ZRANB1: variants seen among roughly 807,000 people sequenced by gnomAD.
ZRANB1 encodes the protein ubiquitin thioesterase ZRANB1.
In ZRANB1, 16 loss-of-function variants were observed where a neutral mutation model predicts 80.5. That is an observed-to-expected ratio of 0.20 (90% CI 0.13 to 0.30). The LOEUF is 0.30. Ranked by LOEUF, ZRANB1 falls within the 10% of genes least tolerant of loss-of-function variation. The pLI is 1.00. For missense variants in ZRANB1, 576 were observed against 862.6 expected, an observed-to-expected ratio of 0.67 and a Z score of 4.16; for synonymous variants, 291 against 293.1, an observed-to-expected ratio of 0.99 and a Z score of 0.07.
At chr10:124,955,005 C>T (rs531388781) in intron 1 of ZRANB1, among the ~76,000 whole-genome samples, 204 of 150,592 alleles carry the variant, frequency 1.4e-3, no homozygotes, top group African/African-American at 4.6e-3. Flanking sequence ...GGCAGGCGCC[C>T]GTAGTCCCAG....
At chr10:124,981,449 C>A in intron 5 of ZRANB1, 2 of 236,102 alleles carry the variant, frequency 8.5e-6, no homozygotes, top group East Asian at 1.0e-4. Context: ...CCAGTCTCAT[C>A]ATTAGCGTTT....
chr10:124,980,113 T>TG (rs1321864368), intron 5 of ZRANB1, among the ~76,000 whole-genome samples: 1 of 152,222 alleles, frequency 6.6e-6, no homozygotes, highest in African/African-American at 2.4e-5. Context: ...TAGATTTAAT[T>TG]GGGGTGATGG....
At chr10:124,937,042 C>T in the ZRANB1 span, among the ~76,000 whole-genome samples, 24 of 152,220 alleles carry the variant, frequency 1.6e-4, no homozygotes, top group African/African-American at 5.3e-4. Context: ...ACAACCTACA[C>T]CTCCCAGGTT....
At position 124,985,467 on chromosome 10, in the gene ZRANB1, G is replaced by A. The variant is rs1409485561; in HGVS notation, c.*475G>A. 1 of 153,246 alleles carries A rather than the reference G, an allele frequency of 6.5e-6. No homozygotes were observed. Among genetic ancestry groups the A allele is most frequent in the Non-Finnish European group, 1.5e-5 (1 of 68,540 alleles). The allele number at this position is 153,246 out of a possible 1,614,324, so 9.5% of individuals were successfully genotyped here. Reference sequence around the variant, plus strand: ...AAGATCCATCTAAGTCTCAGATCTGGAAACGTTTTGTACCGATTATCCACA... The same window carrying A: ...AAGATCCATCTAAGTCTCAGATCTGAAAACGTTTTGTACCGATTATCCACA... On this transcript the variant is annotated 3_prime_UTR_variant, in exon 9 of 9. Coordinates refer to ENST00000359653, the MANE Select transcript of ZRANB1 (RefSeq NM_017580.3).
chr10:124,956,895 T>C (rs1489080885), intron 1 of ZRANB1, among the ~76,000 whole-genome samples: 1 of 152,252 alleles, frequency 6.6e-6, no homozygotes, highest in Non-Finnish European at 1.5e-5. Flanking sequence ...TGTCTCTGTA[T>C]GTCTTTCTCG....
intron 1 of ZRANB1, among the ~76,000 whole-genome samples, chr10:124,949,861 T>C (rs1269088397): frequency 6.6e-6 from 1 of 152,162 alleles, no homozygotes; most frequent in Non-Finnish European, 1.5e-5. Flanking sequence ...GCTTTCACTA[T>C]AGGGAATATG....
At chr10:124,931,586 G>T in the ZRANB1 span, among the ~76,000 whole-genome samples, 18 of 152,068 alleles carry the variant, frequency 1.2e-4, no homozygotes, top group Non-Finnish European at 2.4e-4. Context: ...GACCAGGCTG[G>T]TCTTGAGCTC....
the ZRANB1 span, among the ~76,000 whole-genome samples, chr10:124,932,316 G>A: frequency 7.9e-6 from 1 of 126,778 alleles, no homozygotes; most frequent in African/African-American, 3.2e-5. Context: ...TTGAGATGGA[G>A]TCTCACTCTG....
chr10:124,930,149 C>T, the ZRANB1 span, among the ~76,000 whole-genome samples: 1 of 152,106 alleles, frequency 6.6e-6, no homozygotes, highest in Non-Finnish European at 1.5e-5. Context: ...TTATGGTCCC[C>T]ATTTTTTCAG....
chr10:124,963,383 C>T (rs1951749784), intron 1 of ZRANB1, among the ~76,000 whole-genome samples: 1 of 151,016 alleles, frequency 6.6e-6, no homozygotes, highest in Non-Finnish European at 1.5e-5. Context: ...TCATTTTTTC[C>T]TGGCCTTTCT....
At chr10:124,975,185 T>G (rs1157879376) in intron 5 of ZRANB1, among the ~76,000 whole-genome samples, 2 of 152,116 alleles carry the variant, frequency 1.3e-5, no homozygotes, top group Non-Finnish European at 2.9e-5. Context: ...TAAGATCACA[T>G]TTTTTATTTT....
chr10:124,958,894 C>T (rs1951707654), intron 1 of ZRANB1, among the ~76,000 whole-genome samples: 1 of 152,216 alleles, frequency 6.6e-6, no homozygotes, highest in South Asian at 2.1e-4. Flanking sequence ...TCTCCAGTCC[C>T]AGTCTGGGCA....
chr10:124,981,467 G>T, intron 5 of ZRANB1: 16 of 262,796 alleles, frequency 6.1e-5, no homozygotes, highest in Admixed American at 1.1e-4. Context: ...TTTGAAGTTT[G>T]AAAATTTGGT....
At position 124,987,830 on chromosome 10, in the gene ZRANB1, CTTAA is replaced by C. The variant is rs1290118504; in HGVS notation, c.*2841_*2844del. The C allele has an allele frequency of 6.6e-6, 1 of 152,158 alleles. No homozygotes were observed. Among genetic ancestry groups the C allele is most frequent in the Non-Finnish European group, 1.5e-5 (1 of 68,044 alleles). 9.4% of individuals were successfully genotyped at this position (152,158 alleles called of 1,614,324 possible). A position where few individuals can be genotyped will look rare whatever the true frequency, so the allele number is the denominator to read the frequency against. Reference sequence around the variant, plus strand: ...GAGTTTCATACCTGGAATTGTTGGACTTAATTGACACTTGCAAATACTTTTAGTA... The same window carrying C: ...GAGTTTCATACCTGGAATTGTTGGACTTGACACTTGCAAATACTTTTAGTA... On this transcript the variant is annotated 3_prime_UTR_variant, in exon 9 of 9. Transcript: ENST00000359653.
Position 124,951,786 on chromosome 10 carries a change from G to A in ZRANB1, c.814+8479G>A, listed in dbSNP as rs1316026704. ...AGCCTGGCCAACATGGTGAAACCTC[G>A]TCTCTACTGAAAATACAAAAATTAG... is the stretch of plus-strand genomic sequence containing the variant. On this transcript the variant is annotated intron_variant, in intron 1 of 8. Transcript: ENST00000359653. Among the ~76,000 whole-genome samples the A allele has an allele frequency of 1.2e-4, 18 of 151,830 alleles. 1 individual carries two copies. The highest frequency in any genetic ancestry group is 4.8e-5 in the African/African-American group (2 of 41,316).
intron 1 of ZRANB1, among the ~76,000 whole-genome samples, chr10:124,954,287 C>CT (rs1951671275): frequency 6.6e-6 from 1 of 151,362 alleles, no homozygotes; most frequent in South Asian, 2.1e-4. Flanking sequence ...TGCCTGGCCC[C>CT]TTTTTTCTTA....
At chr10:124,934,012 T>C in the ZRANB1 span, among the ~76,000 whole-genome samples, 1 of 152,352 alleles carries the variant, frequency 6.6e-6, no homozygotes, top group African/African-American at 2.4e-5. Context: ...GCTAATTGTC[T>C]AGTGGTTTAA....
chr10:124,931,102 G>T, the ZRANB1 span, among the ~76,000 whole-genome samples: 1 of 151,890 alleles, frequency 6.6e-6, no homozygotes, highest in South Asian at 2.1e-4. Context: ...TTGGAGACAA[G>T]ATTTTGCTTT....
intron 1 of ZRANB1, among the ~76,000 whole-genome samples, chr10:124,961,018 T>A (rs954954256): frequency 2.6e-5 from 4 of 151,880 alleles, no homozygotes; most frequent in African/African-American, 7.2e-5. Flanking sequence ...TTTTTTTTTT[T>A]AGACAGAGTT....
Sources: allele counts gnomAD v4.1 joint callset (sites outside exome capture counted in the v4.1 genomes callset), GRCh38; gene constraint gnomAD v4.1.1; transcripts MANE v1.5; gene names NCBI Gene and HGNC (gene_info 2026-07-23, HGNC 2026-07-21).